The following SRPK2 variants were observed in gnomAD, a reference collection of about 807,000 sequenced individuals.
SRPK2 encodes the protein SRSF protein kinase 2, also known as SFRS protein kinase 2.
In SRPK2, 21 loss-of-function variants were observed where a neutral mutation model predicts 90.8. The observed-to-expected ratio is 0.23, with a 90% CI of 0.16 to 0.33. The LOEUF is 0.33. SRPK2 is among the 10% of genes least tolerant of loss of function. The pLI, the probability that SRPK2 is intolerant of heterozygous loss-of-function variation, is 1.00. For synonymous variants in SRPK2, 288 were observed against 311.1 expected (o/e 0.93, Z 0.78); for missense variants, 620 against 869.0 (o/e 0.71, Z 3.60).
chr7:105,211,403 GA>G (rs1796840761), intron 2 of SRPK2, among the ~76,000 whole-genome samples: 1 of 152,122 alleles, frequency 6.6e-6, no homozygotes, highest in African/African-American at 2.4e-5. Flanking sequence ...AATTTATAAA[GA>G]AAAGAGATTT....
chr7:105,126,654 A>G (rs1227003401), intron 14 of SRPK2, among the ~76,000 whole-genome samples: 1 of 152,190 alleles, frequency 6.6e-6, no homozygotes, highest in African/African-American at 2.4e-5. Flanking sequence ...AACAGGACAG[A>G]GAAATGGGCA....
chr7:105,354,560 T>C (rs1202390728), intron 2 of SRPK2, among the ~76,000 whole-genome samples: 1 of 152,126 alleles, frequency 6.6e-6, no homozygotes, highest in Non-Finnish European at 1.5e-5. Flanking sequence ...AATCCACTCA[T>C]GCATAGCAAT....
chr7:105,186,491 C>T (rs1793594981), intron 3 of SRPK2, among the ~76,000 whole-genome samples: 2 of 152,192 alleles, frequency 1.3e-5, no homozygotes, highest in East Asian at 1.9e-4. Context: ...ATAATGGCCT[C>T]CAGCTTCATC....
At chr7:105,305,157 C>A (rs545617004) in intron 2 of SRPK2, among the ~76,000 whole-genome samples, 21 of 152,218 alleles carry the variant, frequency 1.4e-4, no homozygotes, top group Admixed American at 1.4e-3. Context: ...ATCCTGTTGC[C>A]AGCCAGGCGC....
intron 2 of SRPK2, among the ~76,000 whole-genome samples, chr7:105,346,843 T>A (rs1394800744): frequency 7.1e-6 from 1 of 140,192 alleles, no homozygotes; most frequent in Non-Finnish European, 1.5e-5. Context: ...CAGTCTTTGC[T>A]GCTTCTCATT....
chr7:105,387,796 G>A (rs952112575), intron 2 of SRPK2, among the ~76,000 whole-genome samples: 2 of 152,324 alleles, frequency 1.3e-5, no homozygotes, highest in Admixed American at 6.5e-5. Flanking sequence ...TAGGAGAGAG[G>A]AGTGGAAAAG....
intron 2 of SRPK2, among the ~76,000 whole-genome samples, chr7:105,358,098 C>G (rs1817986989): frequency 6.6e-6 from 1 of 151,868 alleles, no homozygotes; most frequent in Admixed American, 6.6e-5. Flanking sequence ...CTGGCATGTT[C>G]CTGGAGTCCC....
chr7:105,246,874 G>C (rs555799580), intron 2 of SRPK2, among the ~76,000 whole-genome samples: 2 of 152,268 alleles, frequency 1.3e-5, no homozygotes, highest in African/African-American at 4.8e-5. Flanking sequence ...TTCCACTTAA[G>C]TGACATTTCC....
At chr7:105,340,233 C>T (rs1037461385) in intron 2 of SRPK2, among the ~76,000 whole-genome samples, 2 of 150,592 alleles carry the variant, frequency 1.3e-5, no homozygotes, top group South Asian at 2.1e-4. Context: ...AGGAAGTACG[C>T]ATTATGCCGT....
At chr7:105,330,967 C>A (rs1192679922) in intron 2 of SRPK2, among the ~76,000 whole-genome samples, 3 of 151,892 alleles carry the variant, frequency 2.0e-5, no homozygotes, top group Non-Finnish European at 4.4e-5. Flanking sequence ...GCATTCCAAC[C>A]CAAGTGACAA....
At chr7:105,293,756 C>T (rs749572549) in intron 2 of SRPK2, among the ~76,000 whole-genome samples, 30 of 152,090 alleles carry the variant, frequency 2.0e-4, no homozygotes, top group South Asian at 6.2e-4. Context: ...GGAGGTGAAA[C>T]CCTGCAAGAT....
chr7:105,261,034 A>AC (rs1196298301), intron 2 of SRPK2, among the ~76,000 whole-genome samples: 3 of 151,550 alleles, frequency 2.0e-5, no homozygotes, highest in African/African-American at 7.3e-5. Context: ...AAAAAAAAAA[A>AC]AAAAAAAACA....
At chr7:105,291,031 C>T (rs1257745415) in intron 2 of SRPK2, among the ~76,000 whole-genome samples, 1 of 113,638 alleles carries the variant, frequency 8.8e-6, no homozygotes, top group Non-Finnish European at 1.7e-5. Flanking sequence ...GGCGACAGAG[C>T]GAGACTCCGT....
At chr7:105,319,297 T>C (rs947106623) in intron 2 of SRPK2, among the ~76,000 whole-genome samples, 2 of 152,122 alleles carry the variant, frequency 1.3e-5, no homozygotes, top group Non-Finnish European at 2.9e-5. Flanking sequence ...TCTACTACCA[T>C]AGGTTCGTTT....
chr7:105,175,091 G>A (rs1266328604), intron 3 of SRPK2, among the ~76,000 whole-genome samples: 5 of 150,650 alleles, frequency 3.3e-5, no homozygotes, highest in Non-Finnish European at 2.9e-5. Context: ...GCGGAGTCGA[G>A]ATCACACCAC....
intron 2 of SRPK2, among the ~76,000 whole-genome samples, chr7:105,341,051 G>A (rs1323689128): frequency 1.3e-5 from 2 of 152,028 alleles, no homozygotes; most frequent in East Asian, 1.9e-4. Flanking sequence ...TTTATCTCAC[G>A]CAGGATATGG....
chr7:105,187,092 C>G (rs144290272), intron 3 of SRPK2, among the ~76,000 whole-genome samples: 1 of 152,096 alleles, frequency 6.6e-6, no homozygotes, highest in African/African-American at 2.4e-5. Flanking sequence ...AAATCATGAA[C>G]AAAATTAAAA....
At chr7:105,312,558 T>C (rs1463617525) in intron 2 of SRPK2, among the ~76,000 whole-genome samples, 3 of 152,066 alleles carry the variant, frequency 2.0e-5, no homozygotes, top group Non-Finnish European at 2.9e-5. Context: ...AAATTTAATC[T>C]CAGCCCTGCA....
intron 2 of SRPK2, among the ~76,000 whole-genome samples, chr7:105,271,836 T>G (rs927732839): frequency 1.2e-4 from 19 of 152,174 alleles, no homozygotes; most frequent in African/African-American, 4.3e-4. Flanking sequence ...GGGTAGTATC[T>G]GGGACCCTAT....
Sources: allele counts gnomAD v4.1 joint callset (sites outside exome capture counted in the v4.1 genomes callset), GRCh38; gene constraint gnomAD v4.1.1; transcripts MANE v1.5; gene names NCBI Gene and HGNC (gene_info 2026-07-23, HGNC 2026-07-21).